CRYBG2: variants seen among roughly 807,000 people sequenced by gnomAD.
CRYBG2 encodes the protein crystallin beta-gamma domain containing 2, also known as beta/gamma crystallin domain-containing protein 2.
In CRYBG2, 106 loss-of-function variants were observed where a neutral mutation model predicts 153.4. The observed-to-expected ratio is 0.69, with a 90% CI of 0.59 to 0.81. The LOEUF is 0.81. CRYBG2 is among the 30% of genes least tolerant of loss of function. The pLI is 0.00. For missense variants in CRYBG2, 1,996 were observed against 2,112.0 expected (o/e 0.95, Z 1.08); for synonymous variants, 851 against 877.8 (o/e 0.97, Z 0.54).
intron 1 of CRYBG2, among the ~76,000 whole-genome samples, chr1:26,348,318 A>G (rs560032708): frequency 2.0e-4 from 30 of 152,324 alleles, no homozygotes; most frequent in African/African-American, 7.0e-4. Context: ...GAACTTTGGG[A>G]GGCAGAGGTG....
chr1:26,339,853 C>A (rs1026578764), intron 5 of CRYBG2, among the ~76,000 whole-genome samples: 3 of 152,228 alleles, frequency 2.0e-5, no homozygotes, highest in Non-Finnish European at 2.9e-5. Flanking sequence ...ACCTTTGTAG[C>A]CATTCCCCCA....
chr1:26,337,612 G>A lies in CRYBG2; in HGVS notation c.3570C>T (p.Tyr1190=). The part of the protein sequence containing the change: ...GRSWEVSRDI[Y]NLQQPEDSQS... Reference sequence around the variant, plus strand: ...GGCTGTCCTCTGGCTGCTGAAGGTTGTAGATGTCTCGGCTCACTTCCCAGC... The same window carrying A: ...GGCTGTCCTCTGGCTGCTGAAGGTTATAGATGTCTCGGCTCACTTCCCAGC... The change falls in exon 9 of 20, where the codon TAC becomes TAT. Residue 1190 remains tyrosine, a synonymous_variant. Coordinates refer to ENST00000308182, the MANE Select transcript of CRYBG2 (RefSeq NM_001039775.4). The A allele has an allele frequency of 6.2e-7, 1 of 1,613,276 alleles. No homozygotes were observed. Among genetic ancestry groups the A allele is most frequent in the Non-Finnish European group, 8.5e-7 (1 of 1,179,954 alleles).
chr1:26,322,013 C>G lies in CRYBG2; in HGVS notation c.4941G>C (p.Pro1647=), dbSNP rs754208662. 4 of 1,606,306 alleles carry G rather than the reference C, an allele frequency of 2.5e-6. No homozygotes were observed. The East Asian group carries it at 9.0e-5, about 36-fold the overall frequency. Residue 1647 remains proline (P), a synonymous_variant, in exon 20 of 20, where the codon CCG becomes CCC. Transcript: ENST00000308182. ...AGATCTGGGATGCCCTGTCCTCATCCGGCTCCCATAGCACCACGTGGTCCC... is the reference window on the plus strand; with the variant it reads ...AGATCTGGGATGCCCTGTCCTCATCGGGCTCCCATAGCACCACGTGGTCCC... ...YDRDHVVLWE[P]DEDRASQIWT...
intron 15 of CRYBG2, among the ~76,000 whole-genome samples, chr1:26,331,149 C>A (rs2073992300): frequency 6.6e-6 from 1 of 152,224 alleles, no homozygotes; most frequent in African/African-American, 2.4e-5. Context: ...CTGGCCCCTG[C>A]CCCACCCAAG....
chr1:26,340,574 T>C (rs2074116670), intron 5 of CRYBG2, among the ~76,000 whole-genome samples: 1 of 152,172 alleles, frequency 6.6e-6, no homozygotes, highest in Non-Finnish European at 1.5e-5. Flanking sequence ...CACAAACATT[T>C]GTGTGTTTCT....
Position 26,321,914 on chromosome 1 carries a change from A to G in CRYBG2, c.*54T>C. On this transcript the variant is annotated 3_prime_UTR_variant, in exon 20 of 20. Coordinates refer to ENST00000308182, the MANE Select transcript of CRYBG2 (RefSeq NM_001039775.4). Reference sequence around the variant, plus strand: ...GCTTATGTTACAACAAAAACCCTATAAAAACATTCATCCCAGCAAAAGCCT... The same window carrying G: ...GCTTATGTTACAACAAAAACCCTATGAAAACATTCATCCCAGCAAAAGCCT... 2.8e-6 allele frequency: 4 copies of G among 1,419,404 alleles called. No homozygotes were observed. Among genetic ancestry groups the G allele is most frequent in the Middle Eastern group, 1.8e-4 (1 of 5,476 alleles). The allele number at this position is 1,419,404 out of a possible 1,614,324, so 87.9% of individuals were successfully genotyped here. A position where few individuals can be genotyped will look rare whatever the true frequency, so the allele number is the denominator to read the frequency against.
At chr1:26,339,248 G>A in intron 6 of CRYBG2, 42 bp downstream of exon 6, 4 of 1,593,906 alleles carry the variant, frequency 2.5e-6, no homozygotes, top group Middle Eastern at 3.4e-4. Context: ...ACCCAGCACA[G>A]TGAATGTCAA....
chr1:26,328,209 C>A lies in CRYBG2; in HGVS notation c.4578G>T (p.Gln1526His). ...QRVGSLYPIKQRRVYFRLWNA... is the reference protein window; with the variant it reads ...QRVGSLYPIKHRRVYFRLWNA... ...GCTCAGCTCCAGCCACGCTACCCAC[C>A]TGCTTGATGGGGTAGAGGGAGCCCA... The change falls in exon 17 of 20, where the codon CAG becomes CAT. Residue 1526 changes from glutamine (Q) to histidine (H), a missense_variant and splice_region_variant. Transcript: ENST00000308182. 1 of 1,563,432 alleles carries A rather than the reference C, an allele frequency of 6.4e-7. No homozygotes were observed. Among genetic ancestry groups the A allele is most frequent in the East Asian group, 2.4e-5 (1 of 41,600 alleles).
Position 26,345,550 on chromosome 1 carries a change from C to T in CRYBG2, c.1108G>A (p.Ala370Thr). 6.2e-7 allele frequency: 1 copy of T among 1,604,002 alleles called. No individual in the cohort carries two copies. The highest frequency in any genetic ancestry group is 1.1e-5 in the South Asian group (1 of 90,628). Reference protein sequence around the residue: ...HVPSPGLTHPAKQPVVPTHPG... With the variant: ...HVPSPGLTHPTKQPVVPTHPG... Reference sequence around the variant, plus strand: ...TGAGTGGGCACCACAGGCTGCTTTGCAGGGTGAGTTAGGCCAGGAGAGGGG... The same window carrying T: ...TGAGTGGGCACCACAGGCTGCTTTGTAGGGTGAGTTAGGCCAGGAGAGGGG... The change falls in exon 2 of 20, where the codon GCA becomes ACA. Residue 370 changes from alanine (A) to threonine (T), a missense_variant. Transcript: ENST00000308182.
intron 1 of CRYBG2, among the ~76,000 whole-genome samples, chr1:26,350,953 C>T (rs1206051096): frequency 4.6e-5 from 7 of 152,132 alleles, no homozygotes; most frequent in African/African-American, 1.2e-4. Context: ...TTCCCTGTGG[C>T]CACAGCAGTG....
In CRYBG2 at chr1:26,345,329, C is replaced by A. The variant is rs1209867433; in HGVS notation, c.1329G>T (p.Arg443Ser). ...PGGLSAPSSP[R>S]NKFVQNSENV... is the part of the protein sequence containing the mutation. The stretch of plus-strand genomic sequence containing the variant: ...TTTCAGAGTTCTGAACAAACTTATT[C>A]CTTGGGGACGATGGAGCAGAAAGAC... Residue 443 changes from arginine (R) to serine (S), a missense_variant, in exon 2 of 20, where the codon AGG becomes AGT. By Grantham distance (110) the Arg-to-Ser change is moderately radical. Coordinates refer to ENST00000308182, the MANE Select transcript of CRYBG2 (RefSeq NM_001039775.4). 1 of 1,613,482 alleles carries A rather than the reference C, an allele frequency of 6.2e-7. No homozygotes were observed.
In CRYBG2 at chr1:26,346,303, C is replaced by T. The variant is rs895000619; in HGVS notation, c.355G>A (p.Asp119Asn). 37 of 1,598,656 alleles carry T rather than the reference C, an allele frequency of 2.3e-5. No homozygotes were observed. The highest frequency in any genetic ancestry group is 3.0e-5 in the Non-Finnish European group (35 of 1,179,394). The change falls in exon 2 of 20, where the codon GAC (aspartate) becomes AAC (asparagine). Residue 119 changes from aspartate to asparagine, a missense_variant. Coordinates refer to ENST00000308182, the MANE Select transcript of CRYBG2 (RefSeq NM_001039775.4). The surrounding 1 kb of genome is among the most constrained non-coding windows in gnomAD (Gnocchi z 4.9). ...GCTTGGCGGCTGCCATCACTCTGGT[C>T]CACAGCCTCCTTCAGCCTCCCCTCA... ...RPEGRLKEAVDQSDGSRQAPR... is the reference protein window; with the variant it reads ...RPEGRLKEAVNQSDGSRQAPR...
chr1:26,337,867 G>A lies in CRYBG2; in HGVS notation c.3507+145C>T, dbSNP rs952601374. ...CTTACACATCAAAAGCCAGTTCCCA[G>A]TGAGCCCATCAGGTCCCATCCCCCC... On this transcript the variant is annotated intron_variant, in intron 8 of 19. Coordinates refer to ENST00000308182, the MANE Select transcript of CRYBG2 (RefSeq NM_001039775.4). 8 of 1,294,146 alleles carry A rather than the reference G, an allele frequency of 6.2e-6. 1 individual carries two copies. In the South Asian group the frequency reaches 8.7e-5, roughly 14 times the overall value. The allele number at this position is 1,294,146 out of a possible 1,614,324, so 80.2% of individuals were successfully genotyped here.
intron 1 of CRYBG2, among the ~76,000 whole-genome samples, chr1:26,352,252 C>T (rs2074294852): frequency 6.6e-6 from 1 of 152,066 alleles, no homozygotes. Flanking sequence ...CACAAAGATA[C>T]ACCTAGAAGC....
chr1:26,336,137 G>A lies in CRYBG2; in HGVS notation c.4142C>T (p.Pro1381Leu), dbSNP rs1468618368. 1 of 1,529,576 alleles carries A rather than the reference G, an allele frequency of 6.5e-7. No homozygotes were observed. Among genetic ancestry groups the A allele is most frequent in the South Asian group, 1.2e-5 (1 of 80,674 alleles). The allele number at this position is 1,529,576 out of a possible 1,614,324, so 94.8% of individuals were successfully genotyped here. A position where few individuals can be genotyped will look rare whatever the true frequency, so the allele number is the denominator to read the frequency against. The change falls in exon 14 of 20, where the codon CCC becomes CTC. Residue 1381 changes from proline to leucine, a missense_variant. By Grantham distance (98) the Pro-to-Leu change is moderately conservative (BLOSUM62 -3). Coordinates refer to ENST00000308182, the MANE Select transcript of CRYBG2 (RefSeq NM_001039775.4). This position sits in a 1 kb window ranked among gnomAD's most constrained non-coding sequence, Gnocchi z 4.9. Reference protein sequence around the residue: ...FSFEDDQAALPASFRPQSCRV... With the variant: ...FSFEDDQAALLASFRPQSCRV... ...GCAGGACTGAGGTCGGAAGGAGGCGGGCAGAGCGGCCTGGTCATCTTCGAA... is the reference window on the plus strand; with the variant it reads ...GCAGGACTGAGGTCGGAAGGAGGCGAGCAGAGCGGCCTGGTCATCTTCGAA...
intron 10 of CRYBG2, 116 bp downstream of exon 10, chr1:26,337,137 G>T: frequency 6.4e-7 from 1 of 1,557,644 alleles, no homozygotes; most frequent in South Asian, 1.2e-5. Flanking sequence ...AGACCTCTGG[G>T]AACACTTACA....
rs780117145 is a variant in CRYBG2, at chr1:26,346,496, C to T, written c.162G>A (p.Met54Ile). ...GAQMEAPQKE[M>I]FEFSRREEVE... ...CTTCCTCTCGACGGCTGAACTCAAACATCTCCTTCTGCGGGGCTTCCATCT... is the reference window on the plus strand; with the variant it reads ...CTTCCTCTCGACGGCTGAACTCAAATATCTCCTTCTGCGGGGCTTCCATCT... Residue 54 changes from methionine (M) to isoleucine (I), a missense_variant, in exon 2 of 20, where the codon ATG becomes ATA. Met to Ile is a conservative substitution (Grantham distance 10, BLOSUM62 1). Transcript: ENST00000308182. The surrounding 1 kb of genome is among the most constrained non-coding windows in gnomAD (Gnocchi z 4.9). The T allele has an allele frequency of 5.0e-6, 8 of 1,612,718 alleles. No individual in the cohort carries two copies. Among genetic ancestry groups the T allele is most frequent in the African/African-American group, 2.7e-5 (2 of 74,922 alleles).
rs374521631 is a variant in CRYBG2, at chr1:26,346,151, G to C, written c.507C>G (p.Leu169=). The C allele has an allele frequency of 8.4e-6, 13 of 1,553,736 alleles. No individual in the cohort carries two copies. The highest frequency in any genetic ancestry group is 3.6e-5 in the South Asian group (3 of 84,490). ...VGLTSGSSRS[L]EEYRVTRTVR... The stretch of plus-strand genomic sequence containing the variant: ...CAGTGCGTGTCACTCGGTATTCCTC[G>C]AGGCTCCGGGAGCTACCACTGGTGA... The change falls in exon 2 of 20, where the codon CTC becomes CTG. Residue 169 remains leucine (L), a synonymous_variant. Transcript: ENST00000308182. The surrounding 1 kb of genome is among the most constrained non-coding windows in gnomAD (Gnocchi z 4.9).
intron 5 of CRYBG2, among the ~76,000 whole-genome samples, chr1:26,342,550 C>G (rs538147339): frequency 6.6e-6 from 1 of 152,312 alleles, no homozygotes; most frequent in East Asian, 1.9e-4. Context: ...CAGGCGCATG[C>G]CAGCACACTC....
Sources: gnomAD v4.1 joint callset for allele counts (sites outside exome capture counted in the v4.1 genomes callset) on GRCh38, gnomAD v4.1.1 for gene constraint, Gnocchi (gnomAD v3.1) non-coding constraint, MANE v1.5 for transcripts, NCBI Gene and HGNC (gene_info 2026-07-23, HGNC 2026-07-21) for gene names.